Variants in KRT6A observed in about 807,000 individuals in gnomAD.
The protein encoded by KRT6A is keratin, type II cytoskeletal 6A.
Under a neutral mutation model 48.6 loss-of-function variants are expected in KRT6A, and 28 were observed. The observed-to-expected ratio is 0.58, with a 90% CI of 0.43 to 0.79. KRT6A has a LOEUF of 0.79. KRT6A is among the 30% of genes least tolerant of loss of function. The probability of loss-of-function intolerance (pLI) is 0.00; values close to 1 mark genes in which losing one functional copy is unlikely to be tolerated. For synonymous variants in KRT6A, 301 were observed against 294.2 expected, an observed-to-expected ratio of 1.02 and a Z score of -0.24; for missense variants, 687 against 724.3, an observed-to-expected ratio of 0.95 and a Z score of 0.59.
Position 52,488,240 on chromosome 12 carries a change from C to T in KRT6A, c.1424+88G>A. ...TTCTCTCAGGAAGAGCAATTATGGCCATGGGCAGTGCACCTTAAAGTTGTG... is the reference window on the plus strand; with the variant it reads ...TTCTCTCAGGAAGAGCAATTATGGCTATGGGCAGTGCACCTTAAAGTTGTG... On this transcript the variant is annotated intron_variant, in intron 7 of 8. Transcript: ENST00000330722. 6 of 1,613,280 alleles carry T rather than the reference C, an allele frequency of 3.7e-6. No individual in the cohort carries two copies. The Admixed American group carries it at 5.0e-5, about 13-fold the overall frequency.
At chr12:52,489,382 G>A (rs1424549205) in intron 6 of KRT6A, among the ~76,000 whole-genome samples, 3 of 152,086 alleles carry the variant, frequency 2.0e-5, no homozygotes, top group Non-Finnish European at 4.4e-5. Flanking sequence ...AGGCTCAAGC[G>A]ATTCTCCTGC....
intron 3 of KRT6A, 40 bp from the exon 4 acceptor site, chr12:52,490,993 C>A (rs772102436): frequency 1.4e-5 from 23 of 1,613,788 alleles, no homozygotes; most frequent in Non-Finnish European, 1.9e-5. Context: ...CCTGAGCTCA[C>A]CTTTCCAATC....
rs1031756479 is a variant in KRT6A at position 52,487,629 on chromosome 12, G to A, written c.*91C>T. The A allele has an allele frequency of 1.5e-5, 23 of 1,527,744 alleles. No homozygotes were observed. Among genetic ancestry groups the A allele is most frequent in the Non-Finnish European group, 2.1e-5 (23 of 1,107,646 alleles). The allele number at this position is 1,527,744 out of a possible 1,614,324, so 94.6% of individuals were successfully genotyped here. A position where few individuals can be genotyped will look rare whatever the true frequency, so the allele number is the denominator to read the frequency against. On this transcript the variant is annotated 3_prime_UTR_variant, in exon 9 of 9. Transcript: ENST00000330722. ...CTACCTGGGACAGCAGGGGAGACTG[G>A]AGGCCAGGAGAGGAAAGGCAACCTG...
chr12:52,488,957 G>A (rs1488091681), intron 6 of KRT6A, among the ~76,000 whole-genome samples: 1 of 152,232 alleles, frequency 6.6e-6, no homozygotes, highest in African/African-American at 2.4e-5. Flanking sequence ...GTCTTCACAT[G>A]AGACTGCTGA....
At position 52,487,849 on chromosome 12, in the gene KRT6A, G is replaced by A. The variant is rs756818131; in HGVS notation, c.1566C>T (p.Gly522=). 3.4e-5 allele frequency: 55 copies of A among 1,613,884 alleles called. No individual in the cohort carries two copies. Among genetic ancestry groups the A allele is most frequent in the Middle Eastern group, 1.6e-4 (1 of 6,080 alleles). ...GSSYSYGSGL[G]VGGGFSSSSG... is the part of the protein sequence containing the mutation. ...TGCTGGAACTGAAGCCACCTCCAAC[G>A]CCAAGACCACTGCCATAGGAGTAGC... Residue 522 remains glycine, a synonymous_variant, in exon 9 of 9, where the codon GGC becomes GGT. Transcript: ENST00000330722.
At chr12:52,488,798 T>C (rs527876869) in intron 6 of KRT6A, among the ~76,000 whole-genome samples, 1 of 152,334 alleles carries the variant, frequency 6.6e-6, no homozygotes, top group South Asian at 2.1e-4. Context: ...TGGGAGACAC[T>C]GCAGTGGACA....
chr12:52,492,948 C>T lies in KRT6A; in HGVS notation c.241G>A (p.Gly81Ser). The T allele has an allele frequency of 1.2e-6, 2 of 1,609,410 alleles. No homozygotes were observed. The highest frequency in any genetic ancestry group is 1.7e-6 in the Non-Finnish European group (2 of 1,178,122). The change falls in exon 1 of 9, where the codon GGC becomes AGC. Residue 81 changes from glycine (G) to serine (S), a missense_variant. Gly to Ser is a moderately conservative substitution (Grantham distance 56, BLOSUM62 0). Around this residue, in one of 3 missense-constraint regions of KRT6A, gnomAD observed 49 missense variants for 97.3 expected, o/e 0.50. Coordinates refer to ENST00000330722, the MANE Select transcript of KRT6A (RefSeq NM_005554.4). ...CCTCCGGCTCTGCTGCCATAGCCGC[C>T]ACTGATGGCACAGCTGCCCCCTCCA... ...SIGGGSCAIS[G>S]GYGSRAGGSY...
In KRT6A at chr12:52,490,035, C is replaced by T. The variant is rs1938230719; in HGVS notation, c.1111G>A (p.Gly371Arg). 6.2e-7 allele frequency: 1 copy of T among 1,614,028 alleles called. No individual in the cohort carries two copies. The highest frequency in any genetic ancestry group is 1.3e-5 in the African/African-American group (1 of 74,988). Residue 371 changes from glycine (G) to arginine (R), a missense_variant, in exon 6 of 9, where the codon GGG (glycine) becomes AGG (arginine). Gly to Arg is a moderately radical substitution (Grantham distance 125, BLOSUM62 -2). Coordinates refer to ENST00000330722, the MANE Select transcript of KRT6A (RefSeq NM_005554.4). Reference sequence around the variant, plus strand: ...TGCTTGGTGTTGCGCAGGTCGTCCCCATGTCTGCCTGCTGTGACCTGCAGC... The same window carrying T: ...TGCTTGGTGTTGCGCAGGTCGTCCCTATGTCTGCCTGCTGTGACCTGCAGC... ...EELQVTAGRH[G>R]DDLRNTKQEI... is the part of the protein sequence containing the mutation.
intron 1 of KRT6A, among the ~76,000 whole-genome samples, chr12:52,491,989 A>G (rs1418971887): frequency 2.0e-5 from 3 of 152,218 alleles, no homozygotes; most frequent in East Asian, 1.9e-4. Flanking sequence ...ATGAGTTTCA[A>G]CATGTCTTTT....
At chr12:52,491,893 C>T (rs1389297001) in intron 1 of KRT6A, among the ~76,000 whole-genome samples, 157 bp from the exon 2 acceptor site, 2 of 152,208 alleles carry the variant, frequency 1.3e-5, no homozygotes, top group Non-Finnish European at 2.9e-5. Flanking sequence ...CCAACCCCTT[C>T]TCCTTTGTAC....
chr12:52,488,168 G>T, intron 7 of KRT6A, 65 bp from the exon 8 acceptor site: 2 of 1,613,876 alleles, frequency 1.2e-6, no homozygotes, highest in Non-Finnish European at 1.7e-6. Flanking sequence ...ACCAGCGTGG[G>T]CAGCCTCGGT....
chr12:52,491,804 T>G (rs755656486), intron 1 of KRT6A, 68 bp from the exon 2 acceptor site: 125 of 1,588,994 alleles, frequency 7.9e-5, no homozygotes, highest in Non-Finnish European at 1.0e-4. Context: ...GTATCCGGTT[T>G]CCTGGCAGGT....
intron 1 of KRT6A, among the ~76,000 whole-genome samples, chr12:52,492,014 C>A (rs1938275972): frequency 6.6e-6 from 1 of 152,142 alleles, no homozygotes; most frequent in African/African-American, 2.4e-5. Context: ...CTTTTCCCAG[C>A]CAAAATTACA....
chr12:52,487,659 G>C lies in KRT6A; in HGVS notation c.*61C>G. ...CAGGAGAGGAAAGGCAACCTGAGGA[G>C]AGGGCTCTGCAGCCAGAGAGGGGCC... On this transcript the variant is annotated 3_prime_UTR_variant, in exon 9 of 9. Transcript: ENST00000330722. 6.2e-7 allele frequency: 1 copy of C among 1,609,548 alleles called. No individual in the cohort carries two copies. The highest frequency in any genetic ancestry group is 8.5e-7 in the Non-Finnish European group (1 of 1,176,450).
rs1281678142 is a variant in KRT6A, at chr12:52,488,317, C to T, written c.1424+11G>A. 6.2e-7 allele frequency: 1 copy of T among 1,614,162 alleles called. No homozygotes were observed. On this transcript the variant is annotated intron_variant, in intron 7 of 8. Transcript: ENST00000330722. ...ACTCAGCTGTTGAAGGAGTTCGTGT[C>T]AGTTACCCACCTGCACTCCTCACCC...
intron 5 of KRT6A, chr12:52,490,279 T>C: frequency 9.6e-7 from 1 of 1,046,308 alleles, no homozygotes. Flanking sequence ...CCTAGTTTCT[T>C]TAGGGAGTAG....
At position 52,487,620 on chromosome 12, in the gene KRT6A, G is replaced by T; in HGVS notation, c.*100C>A. 1 of 1,457,856 alleles carries T rather than the reference G, an allele frequency of 6.9e-7. No homozygotes were observed. Among genetic ancestry groups the T allele is most frequent in the South Asian group, 1.2e-5 (1 of 85,442 alleles). The allele number at this position is 1,457,856 out of a possible 1,614,324, so 90.3% of individuals were successfully genotyped here. ...TACCCAGCTCTACCTGGGACAGCAGGGGAGACTGGAGGCCAGGAGAGGAAA... is the reference window on the plus strand; with the variant it reads ...TACCCAGCTCTACCTGGGACAGCAGTGGAGACTGGAGGCCAGGAGAGGAAA... On this transcript the variant is annotated 3_prime_UTR_variant, in exon 9 of 9. Coordinates refer to ENST00000330722, the MANE Select transcript of KRT6A (RefSeq NM_005554.4).
Position 52,487,810 on chromosome 12 carries a change from A to G in KRT6A, c.1605T>C (p.Ile535=), listed in dbSNP as rs1361428101. The change falls in exon 9 of 9, where the codon ATT becomes ATC. Residue 535 remains isoleucine (I), a synonymous_variant. Transcript: ENST00000330722. ...GGFSSSSGRA[I]GGGLSSVGGG... is the part of the protein sequence containing the mutation. ...CTCCAACAGAGCTGAGGCCACCCCC[A>G]ATGGCTCTGCCACTGCTGGAACTGA... 1 of 1,613,944 alleles carries G rather than the reference A, an allele frequency of 6.2e-7. No homozygotes were observed. The highest frequency in any genetic ancestry group is 2.2e-5 in the East Asian group (1 of 44,888).
At chr12:52,490,147 C>T (rs1356441108) in intron 5 of KRT6A, 79 bp from the exon 6 acceptor site, 10 of 1,610,602 alleles carry the variant, frequency 6.2e-6, no homozygotes, top group South Asian at 3.3e-5. Context: ...GTGTATCATG[C>T]ATGTCATGAA....
Sources: allele counts gnomAD v4.1 joint callset (sites outside exome capture counted in the v4.1 genomes callset), GRCh38; gene constraint gnomAD v4.1.1; regional missense constraint gnomAD v4.1.1; transcripts MANE v1.5; gene names NCBI Gene and HGNC (gene_info 2026-07-23, HGNC 2026-07-21).